The following C8orf34 variants were observed in gnomAD, a reference collection of about 807,000 sequenced individuals.
C8orf34 encodes the protein chromosome 8 open reading frame 34, also known as uncharacterized protein C8orf34.
A neutral mutation model predicts 68.3 loss-of-function variants in C8orf34; 65 were observed. The ratio of observed to expected loss-of-function variants is 0.95; its 90% CI spans 0.78 to 1.17. C8orf34 has a LOEUF of 1.17. C8orf34 is among the 50% of genes most tolerant of loss of function. C8orf34 has a pLI of 0.00. For synonymous variants in C8orf34, 244 were observed against 241.2 expected (o/e 1.01, Z -0.11); for missense variants, 664 against 655.4 (o/e 1.01, Z -0.14).
At chr8:68,538,815 T>C (rs1586344140) in intron 7 of C8orf34, among the ~76,000 whole-genome samples, 1 of 152,190 alleles carries the variant, frequency 6.6e-6, no homozygotes, top group Non-Finnish European at 1.5e-5. Flanking sequence ...TAAGGATGTA[T>C]AGAAAATTAT....
chr8:68,728,237 T>C lies in C8orf34; in HGVS notation c.1404+6800T>C, dbSNP rs1452469296. ...TCTCTTAGCTAAAACATAACAAGAGTCACCTTTGCTCCAGTTCCCAACAAG... is the reference window on the plus strand; with the variant it reads ...TCTCTTAGCTAAAACATAACAAGAGCCACCTTTGCTCCAGTTCCCAACAAG... On this transcript the variant is annotated intron_variant, in intron 10 of 13. Transcript: ENST00000518698. Among the ~76,000 whole-genome samples, 5 of 151,998 alleles carry C rather than the reference T, an allele frequency of 3.3e-5. No individual in the cohort carries two copies. The South Asian group carries it at 8.3e-4, about 25-fold the overall frequency.
At chr8:68,539,889 A>G (rs1304172120) in intron 7 of C8orf34, among the ~76,000 whole-genome samples, 1 of 152,122 alleles carries the variant, frequency 6.6e-6, no homozygotes, top group Non-Finnish European at 1.5e-5. Context: ...AATACTAAAT[A>G]CATGTTAACG....
At chr8:68,754,971 G>A (rs1822813573) in intron 10 of C8orf34, among the ~76,000 whole-genome samples, 2 of 152,172 alleles carry the variant, frequency 1.3e-5, no homozygotes, top group East Asian at 3.9e-4. Flanking sequence ...GTATTCAAAA[G>A]CTTAGAAATA....
chr8:68,686,887 T>G (rs1013191442), intron 8 of C8orf34, among the ~76,000 whole-genome samples: 2 of 151,998 alleles, frequency 1.3e-5, no homozygotes, highest in Admixed American at 1.3e-4. Flanking sequence ...TAAAGACTCA[T>G]CCAAAAGACT....
At chr8:68,494,116 C>G (rs1813423861) in intron 5 of C8orf34, among the ~76,000 whole-genome samples, 1 of 152,110 alleles carries the variant, frequency 6.6e-6, no homozygotes, top group African/African-American at 2.4e-5. Context: ...GAAAGCAACC[C>G]AATGTTCACT....
At chr8:68,642,206 A>G (rs995494428) in intron 8 of C8orf34, among the ~76,000 whole-genome samples, 1 of 152,252 alleles carries the variant, frequency 6.6e-6, no homozygotes, top group East Asian at 1.9e-4. Context: ...GAGGCCTAAA[A>G]TAGATAAAAA....
chr8:68,779,608 TG>T (rs1204877788), intron 11 of C8orf34, among the ~76,000 whole-genome samples: 4 of 152,148 alleles, frequency 2.6e-5, no homozygotes, highest in Non-Finnish European at 5.9e-5. Context: ...CACAATATCC[TG>T]GAATCACTTT....
chr8:68,427,461 A>C (rs140922829), intron 1 of C8orf34, among the ~76,000 whole-genome samples: 64 of 152,348 alleles, frequency 4.2e-4, no homozygotes, highest in Non-Finnish European at 6.9e-4. Flanking sequence ...ATATACTTCA[A>C]TATATAAGAT....
intron 5 of C8orf34, among the ~76,000 whole-genome samples, chr8:68,519,876 G>C (rs1012335946): frequency 7.9e-5 from 12 of 152,096 alleles, no homozygotes; most frequent in African/African-American, 2.7e-4. Context: ...CTCACAGATG[G>C]AAAAGTATTC....
intron 7 of C8orf34, among the ~76,000 whole-genome samples, chr8:68,605,151 C>T (rs1024680140): frequency 1.3e-5 from 2 of 152,078 alleles, no homozygotes; most frequent in African/African-American, 4.8e-5. Flanking sequence ...ATTAAAACAG[C>T]AATGAGATGT....
intron 8 of C8orf34, among the ~76,000 whole-genome samples, chr8:68,660,278 G>A (rs1485408933): frequency 6.6e-6 from 1 of 152,138 alleles, no homozygotes; most frequent in Non-Finnish European, 1.5e-5. Context: ...GCTGTCCCTA[G>A]TTACTTTATC....
intron 1 of C8orf34, among the ~76,000 whole-genome samples, chr8:68,421,195 A>T (rs183374072): frequency 6.6e-6 from 1 of 152,210 alleles, no homozygotes; most frequent in Admixed American, 6.5e-5. Context: ...CTGTTCCTCT[A>T]TTCTAAATAA....
intron 6 of C8orf34, among the ~76,000 whole-genome samples, chr8:68,530,151 A>G (rs944009390): frequency 6.6e-6 from 1 of 152,084 alleles, no homozygotes; most frequent in Admixed American, 6.5e-5. Context: ...GATTTATTAA[A>G]CAGACCTAAG....
intron 7 of C8orf34, among the ~76,000 whole-genome samples, chr8:68,564,464 C>T (rs1001631296): frequency 6.6e-6 from 1 of 152,148 alleles, no homozygotes; most frequent in Non-Finnish European, 1.5e-5. Context: ...AAATGGGTGG[C>T]CTTATATAAT....
intron 1 of C8orf34, among the ~76,000 whole-genome samples, chr8:68,401,120 T>G (rs1343359162): frequency 6.6e-6 from 1 of 151,786 alleles, no homozygotes; most frequent in Non-Finnish European, 1.5e-5. Flanking sequence ...TCCTAGTTTT[T>G]TTTTTTTTTT....
intron 7 of C8orf34, among the ~76,000 whole-genome samples, chr8:68,599,698 C>G (rs762094180): frequency 5.3e-5 from 8 of 151,888 alleles, no homozygotes; most frequent in Non-Finnish European, 1.2e-4. Context: ...TAGGTGAAAA[C>G]AGAGGATAAT....
At chr8:68,469,854 G>A (rs1203152416) in intron 4 of C8orf34, among the ~76,000 whole-genome samples, 1 of 132,496 alleles carries the variant, frequency 7.5e-6, no homozygotes, top group Non-Finnish European at 1.6e-5. Context: ...CATTGTCTTG[G>A]TATATTTTGA....
chr8:68,567,272 T>C (rs1483208265), intron 7 of C8orf34, among the ~76,000 whole-genome samples: 1 of 152,160 alleles, frequency 6.6e-6, no homozygotes, highest in Non-Finnish European at 1.5e-5. Flanking sequence ...TTTTTTTTGT[T>C]GGTAATTTTT....
chr8:68,338,490 A>G (rs751759412), intron 1 of C8orf34, among the ~76,000 whole-genome samples: 22 of 152,148 alleles, frequency 1.4e-4, no homozygotes, highest in Admixed American at 4.6e-4. Context: ...TCTTCAGGCA[A>G]TGACTGATCT....
Sources: gnomAD v4.1 joint callset for allele counts (sites outside exome capture counted in the v4.1 genomes callset) on GRCh38, gnomAD v4.1.1 for gene constraint, MANE v1.5 for transcripts, NCBI Gene and HGNC (gene_info 2026-07-23, HGNC 2026-07-21) for gene names.